Variants in DIS3L2 observed in about 807,000 individuals in gnomAD.
DIS3L2 encodes the protein DIS3-like exonuclease 2.
Under a neutral mutation model 97.5 loss-of-function variants are expected in DIS3L2, and 34 were observed. The observed-to-expected ratio is 0.35, with a 90% CI of 0.27 to 0.46. The LOEUF (loss-of-function observed/expected upper bound fraction) is 0.46. DIS3L2 is among the 20% of genes least tolerant of loss of function. The pLI is 1.00. For missense variants in DIS3L2, 1,038 were observed against 1,146.0 expected, an observed-to-expected ratio of 0.91 and a Z score of 1.36; for synonymous variants, 435 against 445.2, an observed-to-expected ratio of 0.98 and a Z score of 0.29.
chr2:232,294,506 A>G (rs1287058613), intron 13 of DIS3L2, among the ~76,000 whole-genome samples: 1 of 152,178 alleles, frequency 6.6e-6, no homozygotes, highest in African/African-American at 2.4e-5. Flanking sequence ...GGTGAATTTC[A>G]GTCCTCATGA....
intron 5 of DIS3L2, among the ~76,000 whole-genome samples, chr2:232,033,052 G>A (rs1234868998): frequency 6.6e-6 from 1 of 152,108 alleles, no homozygotes. Flanking sequence ...GCTTGGAATA[G>A]CATTGAATCT....
intron 15 of DIS3L2, among the ~76,000 whole-genome samples, 161 bp from the exon 16 acceptor site, chr2:232,330,529 G>A (rs536932897): frequency 3.9e-5 from 6 of 152,260 alleles, no homozygotes; most frequent in East Asian, 3.9e-4. Context: ...GGGTGTGGGC[G>A]GCTGCCCCCT....
intron 8 of DIS3L2, among the ~76,000 whole-genome samples, chr2:232,155,939 G>C (rs1156436064): frequency 6.6e-6 from 1 of 151,616 alleles, no homozygotes; most frequent in Non-Finnish European, 1.5e-5. Context: ...GCAGTGAGCT[G>C]AGATCGCGCC....
chr2:232,167,170 G>A (rs1379228627), intron 9 of DIS3L2, among the ~76,000 whole-genome samples: 1 of 152,000 alleles, frequency 6.6e-6, no homozygotes, highest in African/African-American at 2.4e-5. Context: ...CTGAAGTTTA[G>A]AAATTACTAC....
intron 6 of DIS3L2, among the ~76,000 whole-genome samples, chr2:232,099,584 A>G (rs1697133560): frequency 6.6e-6 from 1 of 152,220 alleles, no homozygotes; most frequent in African/African-American, 2.4e-5. Context: ...TTTAGAATCA[A>G]GATTATAATA....
At chr2:232,259,581 C>T (rs562173086) in intron 12 of DIS3L2, among the ~76,000 whole-genome samples, 4 of 152,098 alleles carry the variant, frequency 2.6e-5, no homozygotes, top group Admixed American at 2.6e-4. Flanking sequence ...ATAAATATTT[C>T]AGGGAGGAGG....
intron 14 of DIS3L2, among the ~76,000 whole-genome samples, chr2:232,304,433 G>T (rs1334729077): frequency 6.6e-6 from 1 of 152,218 alleles, no homozygotes; most frequent in Non-Finnish European, 1.5e-5. Context: ...AAGGAGCAAA[G>T]CGCACTCCAG....
In DIS3L2 at chr2:232,281,587, G is replaced by A. The variant is rs1386893625; in HGVS notation, c.1659+18147G>A. 2.0e-5 allele frequency among the ~76,000 whole-genome samples: 3 copies of A among 152,142 alleles called. No individual in the cohort carries two copies. The highest frequency in any genetic ancestry group is 4.4e-5 in the Non-Finnish European group (3 of 68,022). On this transcript the variant is annotated intron_variant, in intron 13 of 20. Transcript: ENST00000325385. The surrounding 1 kb of genome is among the most constrained non-coding windows in gnomAD (Gnocchi z 4.1). Reference sequence around the variant, plus strand: ...GCCAGTTAGATGGCTGTGGCTGTATGCAGGTGAGGCCACACAGCTGACAGG... The same window carrying A: ...GCCAGTTAGATGGCTGTGGCTGTATACAGGTGAGGCCACACAGCTGACAGG...
At chr2:232,093,048 G>A (rs139036119) in intron 6 of DIS3L2, among the ~76,000 whole-genome samples, 7 of 152,156 alleles carry the variant, frequency 4.6e-5, no homozygotes, top group East Asian at 1.9e-4. Context: ...CTTTTGTTAG[G>A]CTGAGATATG....
rs947355181 is a variant in DIS3L2 at position 232,268,390 on chromosome 2, C to T, written c.1659+4950C>T. On this transcript the variant is annotated intron_variant, in intron 13 of 20. Coordinates refer to ENST00000325385, the MANE Select transcript of DIS3L2 (RefSeq NM_152383.5). This position sits in a 1 kb window ranked among gnomAD's most constrained non-coding sequence, Gnocchi z 4.1. ...CTGGGACCCAAGCTGCAGTGGAATG[C>T]TGTTATGTATGACCTTGACCTGTTC... 1.3e-5 allele frequency among the ~76,000 whole-genome samples: 2 copies of T among 152,146 alleles called. 1 individual carries two copies. Among genetic ancestry groups the T allele is most frequent in the Non-Finnish European group, 2.9e-5 (2 of 68,032 alleles).
chr2:231,967,421 A>G (rs1488082425), intron 1 of DIS3L2, among the ~76,000 whole-genome samples: 2 of 152,168 alleles, frequency 1.3e-5, no homozygotes, highest in Non-Finnish European at 2.9e-5. Context: ...ATTTCTGTTT[A>G]ACTTCATTTT....
intron 5 of DIS3L2, among the ~76,000 whole-genome samples, chr2:232,083,028 A>C (rs886576515): frequency 1.3e-5 from 2 of 151,672 alleles, no homozygotes; most frequent in African/African-American, 4.8e-5. Context: ...AGATCATGTG[A>C]GACTTATTCA....
At chr2:232,200,535 T>G (rs1204002641) in intron 9 of DIS3L2, among the ~76,000 whole-genome samples, 1 of 151,796 alleles carries the variant, frequency 6.6e-6, no homozygotes, top group Non-Finnish European at 1.5e-5. Context: ...AATTTATGTA[T>G]CAAAAAGAAT....
intron 5 of DIS3L2, among the ~76,000 whole-genome samples, chr2:232,080,252 TGAGA>T (rs1380985233): frequency 6.6e-6 from 1 of 152,170 alleles, no homozygotes; most frequent in East Asian, 1.9e-4. Flanking sequence ...TGTTATCTGC[TGAGA>T]GAGTGTGCTG....
intron 5 of DIS3L2, among the ~76,000 whole-genome samples, chr2:232,054,425 T>C (rs1373410826): frequency 6.6e-6 from 1 of 152,242 alleles, no homozygotes; most frequent in Non-Finnish European, 1.5e-5. Context: ...ATTTGGAAAC[T>C]ATTTTAACAA....
intron 1 of DIS3L2, among the ~76,000 whole-genome samples, chr2:232,007,879 T>C (rs1452223898): frequency 6.6e-6 from 1 of 152,096 alleles, no homozygotes; most frequent in Non-Finnish European, 1.5e-5. Flanking sequence ...TCTGGAAGAG[T>C]TGTAAAGGAT....
chr2:232,101,115 C>G (rs1697191235), intron 6 of DIS3L2, among the ~76,000 whole-genome samples: 1 of 151,734 alleles, frequency 6.6e-6, no homozygotes, highest in South Asian at 2.1e-4. Context: ...CCCTGTTGCC[C>G]TAGCTACTCA....
intron 10 of DIS3L2, among the ~76,000 whole-genome samples, chr2:232,236,013 G>T (rs990092775): frequency 6.6e-6 from 1 of 152,180 alleles, no homozygotes; most frequent in African/African-American, 2.4e-5. Context: ...TTACCCCATA[G>T]CAGCCAGGAT....
intron 10 of DIS3L2, among the ~76,000 whole-genome samples, chr2:232,220,415 T>C (rs1229417385): frequency 6.6e-6 from 1 of 151,690 alleles, no homozygotes; most frequent in Non-Finnish European, 1.5e-5. Flanking sequence ...TTGGGAGAAA[T>C]AGAAATTTGA....
Sources: gnomAD v4.1 joint callset for allele counts (sites outside exome capture counted in the v4.1 genomes callset) on GRCh38, gnomAD v4.1.1 for gene constraint, Gnocchi (gnomAD v3.1) non-coding constraint, MANE v1.5 for transcripts, NCBI Gene and HGNC (gene_info 2026-07-23, HGNC 2026-07-21) for gene names.